The following TENM2 variants were observed in gnomAD, a reference collection of about 807,000 sequenced individuals.
TENM2 encodes the protein teneurin-2.
In TENM2, 52 loss-of-function variants were observed where a neutral mutation model predicts 245.2. The observed-to-expected ratio is 0.21, with a 90% confidence interval of 0.17 to 0.27. The LOEUF (loss-of-function observed/expected upper bound fraction) is 0.27. Among genes scored for constraint, TENM2 ranks in the 10% least tolerant of loss-of-function variants. The pLI, the probability that TENM2 is intolerant of heterozygous loss-of-function variation, is 1.00. For missense variants in TENM2, 3,046 were observed against 3,666.8 expected, an observed-to-expected ratio of 0.83 and a Z score of 4.37; for synonymous variants, 1,363 against 1,438.9, an observed-to-expected ratio of 0.95 and a Z score of 1.19.
the TENM2 span, among the ~76,000 whole-genome samples, chr5:167,084,061 A>G: frequency 9.9e-5 from 15 of 151,906 alleles, no homozygotes; most frequent in Admixed American, 2.6e-4. Flanking sequence ...TTAGCCATTT[A>G]TAAGATAGTT....
At chr5:167,412,494 T>C (rs1762959241) in intron 2 of TENM2, among the ~76,000 whole-genome samples, 1 of 152,076 alleles carries the variant, frequency 6.6e-6, no homozygotes, top group Admixed American at 6.6e-5. Context: ...ACATGATTAC[T>C]GGAGGATGTG....
chr5:167,591,271 A>G (rs987529318), intron 2 of TENM2, among the ~76,000 whole-genome samples: 3 of 152,330 alleles, frequency 2.0e-5, no homozygotes, highest in African/African-American at 7.2e-5. Flanking sequence ...GTTCAACAAT[A>G]AAGACTTGTT....
At chr5:168,037,447 G>A (rs1787807066) in intron 5 of TENM2, among the ~76,000 whole-genome samples, 1 of 151,218 alleles carries the variant, frequency 6.6e-6, no homozygotes. Context: ...GGTGATTTTA[G>A]ATTCTAGCTG....
intron 11 of TENM2, among the ~76,000 whole-genome samples, chr5:168,125,353 A>G (rs938651220): frequency 6.6e-6 from 1 of 152,198 alleles, no homozygotes; most frequent in Non-Finnish European, 1.5e-5. Flanking sequence ...AAAACAAAAC[A>G]GAACATTTCA....
intron 5 of TENM2, among the ~76,000 whole-genome samples, chr5:167,994,748 G>A (rs929206029): frequency 5.9e-5 from 9 of 152,108 alleles, no homozygotes; most frequent in Admixed American, 4.6e-4. Context: ...AGCTGTACAC[G>A]GGAACTGAGG....
intron 2 of TENM2, among the ~76,000 whole-genome samples, chr5:167,804,902 G>A (rs78229997): frequency 0.058 from 8,824 of 152,172 alleles, 302 homozygotes; most frequent in Middle Eastern, 0.089. Context: ...GCAATTTAAG[G>A]CAAGAATGCT....
At chr5:167,543,996 A>G (rs905903406) in intron 2 of TENM2, among the ~76,000 whole-genome samples, 3 of 152,204 alleles carry the variant, frequency 2.0e-5, no homozygotes, top group Admixed American at 2.0e-4. Flanking sequence ...TCCAAATAAG[A>G]TCACTTTCTG....
At chr5:167,840,791 T>C (rs998928336) in intron 2 of TENM2, among the ~76,000 whole-genome samples, 4 of 151,998 alleles carry the variant, frequency 2.6e-5, no homozygotes, top group Non-Finnish European at 5.9e-5. Flanking sequence ...AGATCACAAA[T>C]GAATTAATGT....
intron 2 of TENM2, among the ~76,000 whole-genome samples, chr5:167,624,483 C>A (rs1778377784): frequency 6.6e-6 from 1 of 152,116 alleles, no homozygotes; most frequent in Non-Finnish European, 1.5e-5. Context: ...ATGGGTGACC[C>A]ATTCCATTAT....
the TENM2 span, among the ~76,000 whole-genome samples, chr5:167,240,235 A>G: frequency 2.0e-5 from 3 of 151,604 alleles, 1 homozygote; most frequent in South Asian, 6.2e-4. Flanking sequence ...GGAGGAGACA[A>G]CAAAGTGACT....
At chr5:167,701,397 G>GT (rs77173033) in intron 2 of TENM2, among the ~76,000 whole-genome samples, 2,506 of 144,680 alleles carry the variant, frequency 0.017, 55 homozygotes, top group African/African-American at 0.058. Context: ...TTGGGTGTTT[G>GT]TTTTTTTTTT....
chr5:168,060,227 GAAAA>G (rs79503783), intron 6 of TENM2, among the ~76,000 whole-genome samples: 1 of 119,644 alleles, frequency 8.4e-6, no homozygotes, highest in African/African-American at 3.1e-5. Context: ...TTGTCTCTAC[GAAAA>G]AAAAAAAAAA....
At chr5:168,071,700 T>C (rs1008398232) in intron 7 of TENM2, among the ~76,000 whole-genome samples, 2 of 152,238 alleles carry the variant, frequency 1.3e-5, no homozygotes, top group African/African-American at 4.8e-5. Context: ...TATGTTCTTA[T>C]ATTTTTTAAT....
chr5:167,351,125 ATATATATATGGGATATATACATATGGAT>A (rs1758879161), intron 1 of TENM2, among the ~76,000 whole-genome samples: 1 of 109,972 alleles, frequency 9.1e-6, no homozygotes, highest in Non-Finnish European at 1.9e-5. Context: ...ATACATATGG[ATATATATATGGGATATATACATATGGAT>A]TATATATATA....
intron 2 of TENM2, among the ~76,000 whole-genome samples, chr5:167,875,115 C>A (rs1407928625): frequency 1.3e-5 from 2 of 152,112 alleles, no homozygotes; most frequent in African/African-American, 4.8e-5. Flanking sequence ...AAACAAGATG[C>A]CTGCATTCAA....
At chr5:167,414,292 A>G (rs916673881) in intron 2 of TENM2, among the ~76,000 whole-genome samples, 3 of 152,182 alleles carry the variant, frequency 2.0e-5, no homozygotes, top group African/African-American at 7.2e-5. Context: ...TAAAATTACC[A>G]TATTCAGAAA....
the TENM2 span, among the ~76,000 whole-genome samples, chr5:167,017,868 C>T: frequency 6.6e-6 from 1 of 152,082 alleles, no homozygotes; most frequent in Non-Finnish European, 1.5e-5. Flanking sequence ...ATTAACATTA[C>T]CGTTGTCACG....
chr5:167,520,555 A>T (rs868630604), intron 2 of TENM2, among the ~76,000 whole-genome samples: 2 of 152,078 alleles, frequency 1.3e-5, no homozygotes, highest in African/African-American at 2.4e-5. Flanking sequence ...GAAAAGATGA[A>T]AGAGAGGGCT....
At chr5:167,947,723 G>A (rs1268185777) in intron 3 of TENM2, among the ~76,000 whole-genome samples, 25 of 152,160 alleles carry the variant, frequency 1.6e-4, no homozygotes, top group Non-Finnish European at 1.5e-5. Flanking sequence ...GCCCTAAAAG[G>A]TGGTTCAAGA....
Sources: gnomAD v4.1 joint callset for allele counts (sites outside exome capture counted in the v4.1 genomes callset) on GRCh38, gnomAD v4.1.1 for gene constraint, MANE v1.5 for transcripts, NCBI Gene and HGNC (gene_info 2026-07-23, HGNC 2026-07-21) for gene names.